The following PPTC7 variants were observed in gnomAD, a reference collection of about 807,000 sequenced individuals.
The protein encoded by PPTC7 is protein phosphatase targeting COQ7, also known as protein phosphatase PTC7 homolog.
In PPTC7, 6 loss-of-function variants were observed where a neutral mutation model predicts 30.8. That is an observed-to-expected ratio of 0.19 (90% CI 0.11 to 0.38). PPTC7 has a LOEUF of 0.38. Among genes scored for constraint, PPTC7 ranks in the 10% least tolerant of loss-of-function variants. The pLI, the probability that PPTC7 is intolerant of heterozygous loss-of-function variation, is 1.00. For missense variants in PPTC7, 218 were observed against 404.8 expected (o/e 0.54, Z 3.96); for synonymous variants, 163 against 168.1 (o/e 0.97, Z 0.23).
chr12:110,579,256 T>A (rs752623997), intron 1 of PPTC7, among the ~76,000 whole-genome samples: 13 of 152,190 alleles, frequency 8.5e-5, no homozygotes, highest in Non-Finnish European at 1.6e-4. Context: ...ACTCATGAAG[T>A]TATTTCAGGT....
At chr12:110,560,624 A>G (rs2064431173) in intron 1 of PPTC7, among the ~76,000 whole-genome samples, 1 of 152,198 alleles carries the variant, frequency 6.6e-6, no homozygotes. Context: ...TACTGCACTC[A>G]TCTTCAGACT....
At chr12:110,542,673 CAAAAAAAAAAA>C (rs765332697) in intron 3 of PPTC7, among the ~76,000 whole-genome samples, 5 of 26,776 alleles carry the variant, frequency 1.9e-4, no homozygotes, top group South Asian at 1.2e-3. Context: ...GACTCTGTCT[CAAAAAAAAAAA>C]AAAAAAAAAA....
intron 1 of PPTC7, among the ~76,000 whole-genome samples, chr12:110,567,475 C>T (rs1315573120): frequency 2.0e-5 from 3 of 152,172 alleles, no homozygotes; most frequent in African/African-American, 7.2e-5. Context: ...GCCCAGCTAC[C>T]CATACATACT....
At chr12:110,538,393 C>A in intron 4 of PPTC7, 120 bp from the exon 5 acceptor site, 1 of 937,654 alleles carries the variant, frequency 1.1e-6, no homozygotes, top group Non-Finnish European at 1.6e-6. Flanking sequence ...AACATCATGC[C>A]CTGGCTAATA....
intron 1 of PPTC7, among the ~76,000 whole-genome samples, chr12:110,554,174 T>A (rs184327674): frequency 3.9e-5 from 6 of 152,162 alleles, no homozygotes; most frequent in African/African-American, 1.2e-4. Flanking sequence ...TTTAAAAAAT[T>A]AACTATTATT....
At chr12:110,564,324 G>C (rs1160971320) in intron 1 of PPTC7, among the ~76,000 whole-genome samples, 1 of 152,198 alleles carries the variant, frequency 6.6e-6, no homozygotes, top group Non-Finnish European at 1.5e-5. Flanking sequence ...GCTTCAGTTT[G>C]TTTTCAGGTG....
chr12:110,557,246 C>A (rs1375847404), intron 1 of PPTC7, among the ~76,000 whole-genome samples: 2 of 152,126 alleles, frequency 1.3e-5, no homozygotes, highest in African/African-American at 2.4e-5. Flanking sequence ...AAACTTAGTA[C>A]CAACAAAAGA....
At chr12:110,561,348 C>G (rs1047402850) in intron 1 of PPTC7, among the ~76,000 whole-genome samples, 2 of 151,954 alleles carry the variant, frequency 1.3e-5, no homozygotes, top group African/African-American at 4.8e-5. Context: ...GAGTCTCACT[C>G]TGTGGCCTAG....
At chr12:110,577,157 AC>A (rs2064596355) in intron 1 of PPTC7, among the ~76,000 whole-genome samples, 1 of 115,022 alleles carries the variant, frequency 8.7e-6, no homozygotes, top group African/African-American at 3.4e-5. Flanking sequence ...CAAGGGCGAG[AC>A]TCTGTCTCAA....
At chr12:110,563,711 C>T (rs754728844) in intron 1 of PPTC7, among the ~76,000 whole-genome samples, 4 of 151,970 alleles carry the variant, frequency 2.6e-5, no homozygotes, top group Non-Finnish European at 4.4e-5. Flanking sequence ...TTTGAGAATT[C>T]CAAACAAAAT....
rs1340094915 is a variant in PPTC7 at position 110,533,269 on chromosome 12, A to G, written c.*3768T>C. 6.6e-6 allele frequency: 1 copy of G among 152,192 alleles called. No homozygotes were observed. The highest frequency in any genetic ancestry group is 6.5e-5 in the Admixed American group (1 of 15,282). 9.4% of individuals were successfully genotyped at this position (152,192 alleles called of 1,614,324 possible). ...ATTAGTATAAATACTATATTTATTA[A>G]ATATCTTTACAGTTTATTTAAATGT... On this transcript the variant is annotated 3_prime_UTR_variant, in exon 6 of 6. Transcript: ENST00000354300.
intron 1 of PPTC7, among the ~76,000 whole-genome samples, chr12:110,581,610 C>T (rs1197501400): frequency 1.3e-5 from 2 of 152,130 alleles, no homozygotes; most frequent in African/African-American, 2.4e-5. Flanking sequence ...TTTCTTCAAC[C>T]CAGGTAATGG....
intron 1 of PPTC7, among the ~76,000 whole-genome samples, chr12:110,574,208 G>C (rs528448030): frequency 1.1e-4 from 16 of 145,370 alleles, no homozygotes; most frequent in African/African-American, 3.1e-4. Context: ...AAGAGACCTA[G>C]GTTCAAGTCC....
chr12:110,556,362 G>A (rs979143085), intron 1 of PPTC7, among the ~76,000 whole-genome samples: 1 of 152,122 alleles, frequency 6.6e-6, no homozygotes, highest in African/African-American at 2.4e-5. Context: ...TTATATAAGG[G>A]GAAGAGTTGT....
At chr12:110,540,020 A>G in intron 3 of PPTC7, 75 bp from the exon 4 acceptor site, 3 of 1,345,872 alleles carry the variant, frequency 2.2e-6, no homozygotes, top group Non-Finnish European at 3.0e-6. Context: ...TACAGGCACT[A>G]TTTTACAATG....
intron 1 of PPTC7, among the ~76,000 whole-genome samples, chr12:110,579,492 C>G (rs888187920): frequency 6.6e-6 from 1 of 152,198 alleles, no homozygotes; most frequent in African/African-American, 2.4e-5. Flanking sequence ...GATTCCTATG[C>G]ATGGACCTCC....
chr12:110,544,870 C>T (rs529181193), intron 3 of PPTC7, among the ~76,000 whole-genome samples: 10 of 152,086 alleles, frequency 6.6e-5, no homozygotes, highest in African/African-American at 1.9e-4. Context: ...CATCTTGGAA[C>T]GTTCTTGACA....
intron 2 of PPTC7, among the ~76,000 whole-genome samples, chr12:110,549,780 T>A (rs951530927): frequency 5.9e-5 from 9 of 152,156 alleles, no homozygotes; most frequent in African/African-American, 1.9e-4. Flanking sequence ...TTGTAACCAG[T>A]TATCTCAAGT....
At chr12:110,568,778 G>A (rs1275859641) in intron 1 of PPTC7, among the ~76,000 whole-genome samples, 4 of 152,320 alleles carry the variant, frequency 2.6e-5, no homozygotes, top group African/African-American at 7.2e-5. Flanking sequence ...ATTGAACCTA[G>A]TAATGGATCC....
Sources: allele counts gnomAD v4.1 joint callset (sites outside exome capture counted in the v4.1 genomes callset), GRCh38; gene constraint gnomAD v4.1.1; transcripts MANE v1.5; gene names NCBI Gene and HGNC (gene_info 2026-07-23, HGNC 2026-07-21).